Variants in SSR3 observed in about 807,000 individuals in gnomAD.
SSR3 encodes signal sequence receptor subunit 3.
SSR3 carries 10 observed loss-of-function variants against 22.1 expected under a neutral mutation model. The observed-to-expected ratio is 0.45, with a 90% CI of 0.28 to 0.77. The LOEUF is 0.77. Among genes scored for constraint, SSR3 ranks in the 30% least tolerant of loss-of-function variants. SSR3 has a pLI of 0.13. For missense variants in SSR3, 181 were observed against 220.5 expected (o/e 0.82, Z 1.13); for synonymous variants, 104 against 82.5 (o/e 1.26, Z -1.42).
At chr3:156,550,243 T>A (rs1204777838) in intron 2 of SSR3, among the ~76,000 whole-genome samples, 1 of 152,234 alleles carries the variant, frequency 6.6e-6, no homozygotes, top group Non-Finnish European at 1.5e-5. Flanking sequence ...TTTCTTAGCT[T>A]AATATAAAAA....
intron 2 of SSR3, chr3:156,551,308 G>C (rs1161276159): frequency 6.6e-6 from 1 of 152,122 alleles, no homozygotes; most frequent in East Asian, 1.9e-4. Context: ...ATTCTAAAGA[G>C]ATGAATGAAA....
chr3:156,553,913 T>G, intron 1 of SSR3, 132 bp from the exon 2 acceptor site: 2 of 821,698 alleles, frequency 2.4e-6, no homozygotes, highest in East Asian at 3.0e-5. Flanking sequence ...TCCAATAGTA[T>G]CTGAGGATCT....
Position 156,555,057 on chromosome 3 carries a change from A to C in SSR3, c.33T>G (p.Ser11=). 6.2e-7 allele frequency: 1 copy of C among 1,613,982 alleles called. No individual in the cohort carries two copies. Among genetic ancestry groups the C allele is most frequent in the South Asian group, 1.1e-5 (1 of 91,086 alleles). The change falls in exon 1 of 5, where the codon TCT becomes TCG. Residue 11 remains serine, a synonymous_variant. Coordinates refer to ENST00000265044, the MANE Select transcript of SSR3 (RefSeq NM_007107.5). The stretch of plus-strand genomic sequence containing the variant: ...AATCCTGCAGGAGCAGGTCCTCCTC[A>C]GACTGCTGTTTGGAGCTGCCTTTAG... MAPKGSSKQQ[S]EEDLLLQDFS...
At chr3:156,552,556 G>A (rs1720001169) in intron 2 of SSR3, among the ~76,000 whole-genome samples, 1 of 152,154 alleles carries the variant, frequency 6.6e-6, no homozygotes, top group Non-Finnish European at 1.5e-5. Flanking sequence ...AAACTAGAGT[G>A]AGAACTATGG....
At chr3:156,545,255 A>T (rs1419644008) in intron 3 of SSR3, among the ~76,000 whole-genome samples, 1 of 152,214 alleles carries the variant, frequency 6.6e-6, no homozygotes, top group Non-Finnish European at 1.5e-5. Context: ...TTGAGTTGAG[A>T]CCAGCATTTT....
chr3:156,552,478 C>T (rs1372949209), intron 2 of SSR3, among the ~76,000 whole-genome samples: 3 of 152,140 alleles, frequency 2.0e-5, no homozygotes, highest in Middle Eastern at 3.4e-3. Context: ...CATGGCAGGG[C>T]GGGCCCTAAA....
intron 2 of SSR3, 28 bp downstream of exon 2, chr3:156,553,627 C>G (rs139562483): frequency 6.2e-7 from 1 of 1,604,804 alleles, no homozygotes; most frequent in Non-Finnish European, 8.5e-7. Flanking sequence ...ACATGTAGTA[C>G]GTACTTTCAC....
chr3:156,543,157 A>T lies in SSR3; in HGVS notation c.*46T>A. On this transcript the variant is annotated 3_prime_UTR_variant, in exon 5 of 5. Coordinates refer to ENST00000265044, the MANE Select transcript of SSR3 (RefSeq NM_007107.5). ...CCACCCTGCTACTTTTCCATATACCACAGGCCACCCATAGACACAAAGCCA... is the reference window on the plus strand; with the variant it reads ...CCACCCTGCTACTTTTCCATATACCTCAGGCCACCCATAGACACAAAGCCA... 1 of 1,577,326 alleles carries T rather than the reference A, an allele frequency of 6.3e-7. No individual in the cohort carries two copies. Among genetic ancestry groups the T allele is most frequent in the Admixed American group, 1.7e-5 (1 of 59,362 alleles).
At chr3:156,544,277 TAA>T (rs779463678) in intron 4 of SSR3, 29 bp downstream of exon 4, 18 of 1,489,088 alleles carry the variant, frequency 1.2e-5, no homozygotes, top group East Asian at 2.4e-5. Flanking sequence ...TCTTGACTTC[TAA>T]AAAAGATAAT....
chr3:156,554,849 G>C, intron 1 of SSR3, 108 bp downstream of exon 1: 2 of 1,434,376 alleles, frequency 1.4e-6, no homozygotes, highest in Non-Finnish European at 1.9e-6. Context: ...AGAGATTGCC[G>C]ACCCCCGGCC....
At chr3:156,553,816 G>A (rs1350423492) in intron 1 of SSR3, 35 bp from the exon 2 acceptor site, 1 of 1,571,430 alleles carries the variant, frequency 6.4e-7, no homozygotes, top group East Asian at 2.3e-5. Flanking sequence ...GGTACAAAAA[G>A]AAGCAAAACA....
At position 156,541,926 on chromosome 3, in the gene SSR3, T is replaced by A. The variant is rs1719542138; in HGVS notation, c.*1277A>T. On this transcript the variant is annotated 3_prime_UTR_variant, in exon 5 of 5. Coordinates refer to ENST00000265044, the MANE Select transcript of SSR3 (RefSeq NM_007107.5). The stretch of plus-strand genomic sequence containing the variant: ...ATGGAAGTGGAAGTTAAACTCCCGA[T>A]GAATAATTTTTATAAAATTATAAAG... 6.6e-6 allele frequency: 1 copy of A among 152,206 alleles called. No homozygotes were observed. The highest frequency in any genetic ancestry group is 2.1e-4 in the South Asian group (1 of 4,836). 9.4% of individuals were successfully genotyped at this position (152,206 alleles called of 1,614,324 possible).
At chr3:156,549,144 A>G in intron 2 of SSR3, 141 bp from the exon 3 acceptor site, 1 of 891,710 alleles carries the variant, frequency 1.1e-6, no homozygotes, top group East Asian at 2.7e-5. Flanking sequence ...CTGAGCAGAA[A>G]GTTCCAAGTT....
Position 156,555,085 on chromosome 3 carries a change from G to A in SSR3, c.5C>T (p.Ala2Val). 1.2e-6 allele frequency: 2 copies of A among 1,613,508 alleles called. No homozygotes were observed. Among genetic ancestry groups the A allele is most frequent in the African/African-American group, 2.7e-5 (2 of 75,070 alleles). Residue 2 changes from alanine to valine, a missense_variant, in exon 1 of 5, where the codon GCT (alanine) becomes GTT (valine). Ala to Val is a moderately conservative substitution (Grantham distance 64, BLOSUM62 0). Transcript: ENST00000265044. MAPKGSSKQQSE... is the reference protein window; with the variant it reads MVPKGSSKQQSE... ...CTGCTGTTTGGAGCTGCCTTTAGGA[G>A]CCATGGCGGAGCTGCAGGCGAGAAC...
chr3:156,552,385 C>T (rs544403778), intron 2 of SSR3, among the ~76,000 whole-genome samples: 1 of 151,730 alleles, frequency 6.6e-6, no homozygotes, highest in South Asian at 2.1e-4. Context: ...AATACATACT[C>T]TTCATTGGAT....
chr3:156,554,436 C>T (rs1016893707), intron 1 of SSR3, among the ~76,000 whole-genome samples: 1 of 152,096 alleles, frequency 6.6e-6, no homozygotes, highest in Non-Finnish European at 1.5e-5. Flanking sequence ...AAGGTAGATC[C>T]CTAACCCCTG....
At chr3:156,544,063 GAC>G (rs1174722832) in intron 4 of SSR3, 39 of 395,858 alleles carry the variant, frequency 9.9e-5, no homozygotes, top group Non-Finnish European at 2.2e-5. Context: ...AGGAGGCAAG[GAC>G]ACAGATTCCC....
At chr3:156,544,199 G>T in intron 4 of SSR3, 109 bp downstream of exon 4, 1 of 964,044 alleles carries the variant, frequency 1.0e-6, no homozygotes, top group South Asian at 2.8e-5. Flanking sequence ...TTAATGGACT[G>T]ACTCCCAGAG....
chr3:156,554,874 C>T, intron 1 of SSR3, 83 bp downstream of exon 1: 2 of 1,529,650 alleles, frequency 1.3e-6, no homozygotes, highest in Non-Finnish European at 8.8e-7. Flanking sequence ...CCCACGCCTT[C>T]CCTGCTCGCC....
Sources: allele counts gnomAD v4.1 joint callset (sites outside exome capture counted in the v4.1 genomes callset), GRCh38; gene constraint gnomAD v4.1.1; transcripts MANE v1.5; gene names NCBI Gene and HGNC (gene_info 2026-07-23, HGNC 2026-07-21).